Variants in CCDC28A observed in about 807,000 individuals in gnomAD.
CCDC28A encodes the protein coiled-coil domain containing 28A.
CCDC28A carries 24 observed loss-of-function variants against 22.1 expected under a neutral mutation model. The ratio of observed to expected loss-of-function variants is 1.09; its 90% CI spans 0.79 to 1.53. CCDC28A has a LOEUF of 1.53. CCDC28A is among the 40% of genes most tolerant of loss of function. The pLI is 0.00. For synonymous variants in CCDC28A, 83 were observed against 74.7 expected, an observed-to-expected ratio of 1.11 and a Z score of -0.57; for missense variants, 170 against 210.7, an observed-to-expected ratio of 0.81 and a Z score of 1.20.
intron 5 of CCDC28A, among the ~76,000 whole-genome samples, chr6:138,790,339 C>T (rs1016948447): frequency 5.3e-5 from 8 of 152,050 alleles, no homozygotes; most frequent in African/African-American, 1.7e-4. Flanking sequence ...TTAGTAGAGA[C>T]GGGGTTTCAC....
At chr6:138,786,914 C>G (rs1775103676) in intron 4 of CCDC28A, among the ~76,000 whole-genome samples, 1 of 152,196 alleles carries the variant, frequency 6.6e-6, no homozygotes, top group African/African-American at 2.4e-5. Flanking sequence ...CGGTGTCTGG[C>G]TTTACCAGTT....
intron 5 of CCDC28A, among the ~76,000 whole-genome samples, chr6:138,790,469 T>C (rs1442520711): frequency 6.6e-6 from 1 of 152,232 alleles, no homozygotes; most frequent in Non-Finnish European, 1.5e-5. Context: ...GAGTTTTTGT[T>C]AAACATTTAG....
At chr6:138,775,966 T>C (rs1441039249) in intron 1 of CCDC28A, 113 bp from the exon 2 acceptor site, 4 of 848,522 alleles carry the variant, frequency 4.7e-6, no homozygotes, top group Non-Finnish European at 7.5e-6. Context: ...TAACTTTCTC[T>C]TATGCCCTCT....
intron 2 of CCDC28A, 25 bp downstream of exon 2, chr6:138,776,303 C>T (rs1252052778): frequency 6.5e-7 from 1 of 1,541,682 alleles, no homozygotes. Flanking sequence ...TTTACATGTT[C>T]ACAGTAAAAT....
chr6:138,783,020 T>C (rs529783664), intron 3 of CCDC28A, among the ~76,000 whole-genome samples: 1 of 152,278 alleles, frequency 6.6e-6, no homozygotes, highest in East Asian at 1.9e-4. Context: ...TAATACGTTA[T>C]GTGTATAAAT....
At chr6:138,788,581 T>TTC (rs1448141305) in intron 5 of CCDC28A, among the ~76,000 whole-genome samples, 193 bp downstream of exon 5, 1 of 80,194 alleles carries the variant, frequency 1.2e-5, no homozygotes, top group Non-Finnish European at 2.6e-5. Flanking sequence ...TTTTTTTTTT[T>TTC]TTTTTTTTTT....
intron 4 of CCDC28A, among the ~76,000 whole-genome samples, chr6:138,787,011 C>G (rs1003713288): frequency 1.3e-5 from 2 of 152,144 alleles, no homozygotes; most frequent in Non-Finnish European, 2.9e-5. Context: ...GTGAAAAGAA[C>G]GCCGAATTTG....
intron 3 of CCDC28A, among the ~76,000 whole-genome samples, chr6:138,780,693 A>C (rs1279348158): frequency 6.7e-6 from 1 of 150,272 alleles, no homozygotes; most frequent in Non-Finnish European, 1.5e-5. Context: ...TCCTGCCTCA[A>C]CCTCCCCAGT....
intron 5 of CCDC28A, 63 bp downstream of exon 5, chr6:138,788,451 C>A: frequency 1.2e-6 from 1 of 803,926 alleles, no homozygotes; most frequent in Non-Finnish European, 1.9e-6. Context: ...TGAATAATCT[C>A]GATCAAGTTT....
At chr6:138,788,259 C>T in intron 4 of CCDC28A, 107 bp from the exon 5 acceptor site, 1 of 458,424 alleles carries the variant, frequency 2.2e-6, no homozygotes, top group Non-Finnish European at 3.8e-6. Flanking sequence ...CTGTGACCAG[C>T]ACAAGAAAGC....
rs10689868 is a variant in CCDC28A at position 138,784,353 on chromosome 6, C to CTTT, written c.323-861_323-859dup. 3.2e-3 allele frequency among the ~76,000 whole-genome samples: 446 copies of CTTT among 140,238 alleles called. 4 individuals carry two copies. The highest frequency in any genetic ancestry group is 8.1e-3 in the African/African-American group (302 of 37,242). The allele number at this position is 140,238 out of a possible 152,430, so 92.0% of individuals were successfully genotyped here. A position where few individuals can be genotyped will look rare whatever the true frequency, so the allele number is the denominator to read the frequency against. On this transcript the variant is annotated intron_variant, in intron 3 of 5. Transcript: ENST00000617445. Reference sequence around the variant, plus strand: ...AGGGACGATTTTCTTTTCTCTTTTTCTTTTTTTTTTTTTTTGAGACAAGGT... The same window carrying CTTT: ...AGGGACGATTTTCTTTTCTCTTTTTCTTTTTTTTTTTTTTTTTTGAGACAAGGT...
chr6:138,790,738 A>T (rs1045429552), intron 5 of CCDC28A, among the ~76,000 whole-genome samples: 3 of 152,190 alleles, frequency 2.0e-5, no homozygotes, highest in Non-Finnish European at 2.9e-5. Flanking sequence ...GTCTCCAAGA[A>T]TATTTTTAAA....
At chr6:138,784,917 C>T (rs1321354474) in intron 3 of CCDC28A, among the ~76,000 whole-genome samples, 1 of 152,132 alleles carries the variant, frequency 6.6e-6, no homozygotes, top group Non-Finnish European at 1.5e-5. Flanking sequence ...TGGTGTTGAT[C>T]TCCTGACCTC....
At chr6:138,785,130 C>A (rs1398671735) in intron 3 of CCDC28A, 97 bp from the exon 4 acceptor site, 4 of 657,110 alleles carry the variant, frequency 6.1e-6, no homozygotes, top group Non-Finnish European at 9.8e-6. Flanking sequence ...GAAAGAAAAC[C>A]TGTTTCTTTT....
chr6:138,785,843 C>A (rs1322958933), intron 4 of CCDC28A, among the ~76,000 whole-genome samples: 3 of 152,028 alleles, frequency 2.0e-5, no homozygotes, highest in African/African-American at 7.2e-5. Flanking sequence ...ATAATAAAAT[C>A]TTAAGATATA....
At chr6:138,783,876 C>CTTT (rs577197452) in intron 3 of CCDC28A, among the ~76,000 whole-genome samples, 3,889 of 125,378 alleles carry the variant, frequency 0.031, 275 homozygotes, top group African/African-American at 0.1. Context: ...AGCCAGAACT[C>CTTT]TTTTTTTTTT....
intron 1 of CCDC28A, among the ~76,000 whole-genome samples, chr6:138,774,936 T>TTTTGTTTTG (rs574958897): frequency 2.0e-5 from 3 of 151,864 alleles, no homozygotes; most frequent in African/African-American, 7.3e-5. Context: ...GGAAGGGGTT[T>TTTTGTTTTG]TTTTGTTTTG....
Position 138,773,857 on chromosome 6 carries a change from G to A in CCDC28A, c.-88G>A, listed in dbSNP as rs1249817165. 2.5e-6 allele frequency: 4 copies of A among 1,613,968 alleles called. No homozygotes were observed. In the African/African-American group the frequency reaches 4.0e-5, roughly 16 times the overall value. On this transcript the variant is annotated 5_prime_UTR_variant, in exon 1 of 6. Transcript: ENST00000617445. ...CGGCGGTGGCTTCTGAGGCTGTCGG[G>A]TCTTTGCGGGTTGCGGAAGGGGGCC...
intron 1 of CCDC28A, among the ~76,000 whole-genome samples, chr6:138,775,412 C>T (rs867764398): frequency 6.6e-6 from 1 of 152,126 alleles, no homozygotes; most frequent in Non-Finnish European, 1.5e-5. Flanking sequence ...ATAAAATTCA[C>T]GTTTGTTTGG....
Sources: gnomAD v4.1 joint callset for allele counts (sites outside exome capture counted in the v4.1 genomes callset) on GRCh38, gnomAD v4.1.1 for gene constraint, MANE v1.5 for transcripts, NCBI Gene and HGNC (gene_info 2026-07-23, HGNC 2026-07-21) for gene names.